The following NDUFAF2 variants were observed in gnomAD, a reference collection of about 807,000 sequenced individuals.
The protein encoded by NDUFAF2 is NADH dehydrogenase [ubiquinone] 1 alpha subcomplex assembly factor 2.
In NDUFAF2, 13 loss-of-function variants were observed where a neutral mutation model predicts 22.8. The ratio of observed to expected loss-of-function variants is 0.57; its 90% CI spans 0.37 to 0.91. The LOEUF (loss-of-function observed/expected upper bound fraction) is 0.91. Among genes scored for constraint, NDUFAF2 ranks in the 40% least tolerant of loss-of-function variants. The probability of loss-of-function intolerance (pLI) is 0.01; values close to 1 mark genes in which losing one functional copy is unlikely to be tolerated. For synonymous variants in NDUFAF2, 53 were observed against 64.2 expected, an observed-to-expected ratio of 0.83 and a Z score of 0.84; for missense variants, 162 against 195.2, an observed-to-expected ratio of 0.83 and a Z score of 1.01.
chr5:60,982,707 T>A (rs1266048729), intron 1 of NDUFAF2, among the ~76,000 whole-genome samples: 1 of 152,018 alleles, frequency 6.6e-6, no homozygotes, highest in East Asian at 2.0e-4. Context: ...GCTTCGTCCA[T>A]GTCCCTACAA....
chr5:61,018,942 A>AAATGTC (rs1298369803), intron 1 of NDUFAF2, among the ~76,000 whole-genome samples: 1 of 152,146 alleles, frequency 6.6e-6, no homozygotes, highest in African/African-American at 2.4e-5. Flanking sequence ...CAAATAAAAT[A>AAATGTC]TCAATATGCA....
intron 2 of NDUFAF2, among the ~76,000 whole-genome samples, chr5:61,092,286 G>A (rs995296397): frequency 1.3e-5 from 2 of 152,052 alleles, no homozygotes; most frequent in African/African-American, 4.8e-5. Flanking sequence ...GAATAGCATT[G>A]AATCTGTAAA....
At chr5:61,100,012 CTGAGTACATCTCT>C (rs1265777260) in intron 3 of NDUFAF2, among the ~76,000 whole-genome samples, 1 of 152,182 alleles carries the variant, frequency 6.6e-6, no homozygotes, top group Non-Finnish European at 1.5e-5. Context: ...CAGGGTCTGA[CTGAGTACATCTCT>C]TGACCCATTT....
chr5:61,135,102 T>A (rs1740903564), intron 3 of NDUFAF2, among the ~76,000 whole-genome samples: 1 of 151,714 alleles, frequency 6.6e-6, no homozygotes, highest in Non-Finnish European at 1.5e-5. Context: ...TAAATTTGAA[T>A]TGGAAATGTC....
intron 1 of NDUFAF2, among the ~76,000 whole-genome samples, chr5:60,984,825 T>C (rs950501437): frequency 6.6e-5 from 10 of 152,222 alleles, no homozygotes; most frequent in African/African-American, 2.2e-4. Context: ...TTTGCATCGA[T>C]GTTCATCAGG....
chr5:61,151,384 C>T (rs1403084740), intron 3 of NDUFAF2, among the ~76,000 whole-genome samples: 1 of 151,438 alleles, frequency 6.6e-6, no homozygotes, highest in Non-Finnish European at 1.5e-5. Context: ...CATTAACATT[C>T]TAATTTCACA....
chr5:60,994,500 C>T (rs944516673), intron 1 of NDUFAF2, among the ~76,000 whole-genome samples: 11 of 152,244 alleles, frequency 7.2e-5, no homozygotes, highest in African/African-American at 2.7e-4. Context: ...GTGTGTAGCC[C>T]TGGCCGTGCT....
At chr5:61,015,547 G>C (rs1255971421) in intron 1 of NDUFAF2, among the ~76,000 whole-genome samples, 1 of 152,144 alleles carries the variant, frequency 6.6e-6, no homozygotes, top group African/African-American at 2.4e-5. Flanking sequence ...CTCCCAAAGT[G>C]CTGGGATTAC....
At chr5:60,988,334 T>G (rs1189850600) in intron 1 of NDUFAF2, among the ~76,000 whole-genome samples, 3 of 152,140 alleles carry the variant, frequency 2.0e-5, no homozygotes, top group African/African-American at 4.8e-5. Context: ...AACCCAATAT[T>G]TTTTAAAATG....
At chr5:61,083,048 G>T (rs1325181609) in intron 2 of NDUFAF2, among the ~76,000 whole-genome samples, 2 of 152,012 alleles carry the variant, frequency 1.3e-5, no homozygotes, top group South Asian at 2.1e-4. Context: ...CTTATTTTTT[G>T]ACTTTTAATA....
intron 3 of NDUFAF2, among the ~76,000 whole-genome samples, chr5:61,113,159 C>T (rs2111787099): frequency 6.6e-6 from 1 of 152,128 alleles, no homozygotes; most frequent in East Asian, 1.9e-4. Flanking sequence ...TAGTCTTTCT[C>T]CTCATCATAT....
chr5:61,140,444 T>C (rs779281199), intron 3 of NDUFAF2, among the ~76,000 whole-genome samples: 8 of 152,234 alleles, frequency 5.3e-5, no homozygotes, highest in Non-Finnish European at 8.8e-5. Flanking sequence ...TTTTAAAATA[T>C]GGGATAAACA....
intron 1 of NDUFAF2, among the ~76,000 whole-genome samples, chr5:60,950,837 T>TTCC: frequency 6.6e-6 from 1 of 152,278 alleles, no homozygotes; most frequent in East Asian, 1.9e-4. Context: ...GTGTCCTCAC[T>TTCC]TCCTCCCTTC....
At chr5:61,020,753 C>A (rs1751571100) in intron 1 of NDUFAF2, among the ~76,000 whole-genome samples, 1 of 152,022 alleles carries the variant, frequency 6.6e-6, no homozygotes, top group East Asian at 1.9e-4. Context: ...TGCAGCAGCA[C>A]AATCTCTGCT....
At chr5:61,115,546 CTCTTATAGTAT>C (rs1752901510) in intron 3 of NDUFAF2, 1 of 152,114 alleles carries the variant, frequency 6.6e-6, no homozygotes, top group African/African-American at 2.4e-5. Flanking sequence ...CTCCCCTCTC[CTCTTATAGTAT>C]TCTTGCTAAT....
intron 3 of NDUFAF2, among the ~76,000 whole-genome samples, chr5:61,100,867 A>C (rs1561565071): frequency 6.6e-6 from 1 of 152,108 alleles, no homozygotes; most frequent in Non-Finnish European, 1.5e-5. Flanking sequence ...GTACCTGACC[A>C]TCATTTTTAT....
chr5:60,953,944 A>C (rs543874456), intron 1 of NDUFAF2, among the ~76,000 whole-genome samples: 19 of 152,312 alleles, frequency 1.2e-4, no homozygotes, highest in African/African-American at 1.9e-4. Context: ...TATTGACAAC[A>C]ACCAAAGGAA....
At chr5:60,961,466 G>A (rs1251509415) in intron 1 of NDUFAF2, among the ~76,000 whole-genome samples, 3 of 151,902 alleles carry the variant, frequency 2.0e-5, no homozygotes, top group East Asian at 3.9e-4. Context: ...ATGGTGGCGG[G>A]TGCCTGTAGT....
chr5:61,141,869 C>G (rs913380591), intron 3 of NDUFAF2, among the ~76,000 whole-genome samples: 1 of 152,162 alleles, frequency 6.6e-6, no homozygotes, highest in Admixed American at 6.5e-5. Context: ...CTTCTTCCCT[C>G]TCTCATCCTA....
Sources: allele counts gnomAD v4.1 joint callset (sites outside exome capture counted in the v4.1 genomes callset), GRCh38; gene constraint gnomAD v4.1.1; transcripts MANE v1.5; gene names NCBI Gene and HGNC (gene_info 2026-07-23, HGNC 2026-07-21).